MAF: variants seen among roughly 807,000 people sequenced by gnomAD.
MAF encodes MAF bZIP transcription factor.
In MAF, 10 loss-of-function variants were observed where a neutral mutation model predicts 22.0. The ratio of observed to expected loss-of-function variants is 0.45; its 90% CI spans 0.28 to 0.77. The LOEUF is 0.77. MAF is among the 30% of genes least tolerant of loss of function. The probability of loss-of-function intolerance (pLI) is 0.12; values close to 1 mark genes in which losing one functional copy is unlikely to be tolerated. For missense variants in MAF, 544 were observed against 548.4 expected (o/e 0.99, Z 0.08); for synonymous variants, 337 against 255.8 (o/e 1.32, Z -3.03).
chr16:79,564,286 A>C, the MAF span, among the ~76,000 whole-genome samples: 8 of 152,220 alleles, frequency 5.3e-5, no homozygotes, highest in African/African-American at 1.9e-4. Flanking sequence ...GCCTTGCTGG[A>C]AGACTTCTTT....
chr16:79,560,590 T>C, the MAF span, among the ~76,000 whole-genome samples: 2 of 152,126 alleles, frequency 1.3e-5, no homozygotes, highest in Non-Finnish European at 2.9e-5. Flanking sequence ...CTTTTTTTTT[T>C]CTTTCTGAAT....
chr16:79,505,295 T>A, the MAF span, among the ~76,000 whole-genome samples: 30 of 152,220 alleles, frequency 2.0e-4, no homozygotes, highest in Non-Finnish European at 3.2e-4. Context: ...CCTGCCCCAG[T>A]GTTCCTCTAC....
the MAF span, among the ~76,000 whole-genome samples, chr16:79,431,628 T>C: frequency 6.6e-6 from 1 of 152,224 alleles, no homozygotes; most frequent in African/African-American, 2.4e-5. Context: ...ACTAAATCTG[T>C]GAATCACTGT....
the MAF span, among the ~76,000 whole-genome samples, chr16:79,554,603 C>T: frequency 6.6e-6 from 1 of 152,162 alleles, no homozygotes; most frequent in Non-Finnish European, 1.5e-5. Context: ...CCCTTTGTCT[C>T]TACTGATGCG....
At chr16:79,463,958 G>T in the MAF span, among the ~76,000 whole-genome samples, 1 of 129,864 alleles carries the variant, frequency 7.7e-6, no homozygotes, top group Non-Finnish European at 1.7e-5. Flanking sequence ...ACCCTGGAAA[G>T]AGCTGAGGCT....
downstream of MAF, among the ~76,000 whole-genome samples, chr16:79,593,028 T>C (rs1913274458): frequency 6.6e-6 from 1 of 152,200 alleles, no homozygotes; most frequent in Admixed American, 6.5e-5. Context: ...CATGTACTCC[T>C]GTATTTTAGT....
At chr16:79,281,897 CTG>C in the MAF span, among the ~76,000 whole-genome samples, 2 of 152,156 alleles carry the variant, frequency 1.3e-5, no homozygotes, top group African/African-American at 4.8e-5. Flanking sequence ...CCCTGCATTT[CTG>C]TGTGTGGCTA....
the MAF span, among the ~76,000 whole-genome samples, chr16:79,278,561 G>A: frequency 2.6e-5 from 4 of 152,204 alleles, no homozygotes; most frequent in African/African-American, 9.6e-5. Context: ...TTCAAAGTGA[G>A]CTTTTGGAAG....
the MAF span, among the ~76,000 whole-genome samples, chr16:79,297,178 G>C: frequency 6.6e-6 from 1 of 152,138 alleles, no homozygotes; most frequent in Admixed American, 6.5e-5. Flanking sequence ...TTTAACGCAA[G>C]GCCATCCTAA....
the MAF span, among the ~76,000 whole-genome samples, chr16:79,502,748 T>TATA: frequency 8.9e-6 from 1 of 112,128 alleles, no homozygotes; most frequent in African/African-American, 3.9e-5. Flanking sequence ...TATATATATA[T>TATA]ATATATAAAG....
At chr16:79,583,983 G>A (rs1210746211), downstream of MAF, among the ~76,000 whole-genome samples, 1 of 152,124 alleles carries the variant, frequency 6.6e-6, no homozygotes, top group Non-Finnish European at 1.5e-5. Flanking sequence ...ATGCCCTAAT[G>A]AAAAATGTTA....
At chr16:79,471,717 G>A in the MAF span, among the ~76,000 whole-genome samples, 1 of 152,160 alleles carries the variant, frequency 6.6e-6, no homozygotes, top group Non-Finnish European at 1.5e-5. Flanking sequence ...AAGTAAAAAA[G>A]CCCTGAGGTT....
At chr16:79,296,626 T>TA in the MAF span, among the ~76,000 whole-genome samples, 2 of 89,070 alleles carry the variant, frequency 2.2e-5, no homozygotes, top group African/African-American at 7.7e-5. Flanking sequence ...AGATTTGTAA[T>TA]TTTTTTTTTT....
chr16:79,326,493 T>A, the MAF span, among the ~76,000 whole-genome samples: 1 of 152,352 alleles, frequency 6.6e-6, no homozygotes, highest in South Asian at 2.1e-4. Context: ...TATAGCAACA[T>A]TTTATACACT....
chr16:79,303,616 A>G, the MAF span, among the ~76,000 whole-genome samples: 2 of 152,224 alleles, frequency 1.3e-5, no homozygotes, highest in Non-Finnish European at 2.9e-5. Context: ...TGGCTTCAAA[A>G]ATGCATCTTC....
chr16:79,556,413 G>A, the MAF span, among the ~76,000 whole-genome samples: 4,533 of 152,256 alleles, frequency 0.03, 95 homozygotes, highest in African/African-American at 0.06. Context: ...CATGTTGACT[G>A]TAGAAAGAGA....
the MAF span, among the ~76,000 whole-genome samples, chr16:79,554,937 C>G: frequency 6.6e-6 from 1 of 152,184 alleles, no homozygotes; most frequent in African/African-American, 2.4e-5. Flanking sequence ...CACTGCAGGG[C>G]AGGCTGGAAT....
chr16:79,225,248 A>C, the MAF span, among the ~76,000 whole-genome samples: 4 of 152,232 alleles, frequency 2.6e-5, no homozygotes, highest in Non-Finnish European at 5.9e-5. Context: ...CTTGAGAAAA[A>C]CAAGCAATGG....
chr16:79,517,187 T>C, the MAF span, among the ~76,000 whole-genome samples: 1 of 152,188 alleles, frequency 6.6e-6, no homozygotes, highest in Non-Finnish European at 1.5e-5. Context: ...ATTCCTTGGC[T>C]CTGAGCCTAC....
Sources: allele counts gnomAD v4.1 joint callset (sites outside exome capture counted in the v4.1 genomes callset), GRCh38; gene constraint gnomAD v4.1.1; transcripts MANE v1.5; gene names NCBI Gene and HGNC (gene_info 2026-07-23, HGNC 2026-07-21).